Variants in USP24 observed in about 807,000 individuals in gnomAD.
USP24 encodes ubiquitin carboxyl-terminal hydrolase 24.
A neutral mutation model predicts 361.6 loss-of-function variants in USP24; 97 were observed. The ratio of observed to expected loss-of-function variants is 0.27; its 90% CI spans 0.23 to 0.32. The LOEUF (loss-of-function observed/expected upper bound fraction) is 0.32, where lower values mean the gene tolerates loss of function less well. Ranked by LOEUF, USP24 falls within the 10% of genes least tolerant of loss-of-function variation. The pLI, the probability that USP24 is intolerant of heterozygous loss-of-function variation, is 1.00. For missense variants in USP24, 2,353 were observed against 3,165.6 expected, an observed-to-expected ratio of 0.74 and a Z score of 6.16; for synonymous variants, 1,098 against 1,124.6, an observed-to-expected ratio of 0.98 and a Z score of 0.47.
chr1:55,104,133 A>G (rs1269496281), intron 41 of USP24, 113 bp from the exon 42 acceptor site: 28 of 1,354,174 alleles, frequency 2.1e-5, no homozygotes, highest in Non-Finnish European at 2.7e-5. Context: ...CCTCAAACAT[A>G]CTTAAGTCAG....
chr1:55,209,908 T>C (rs900987798), intron 1 of USP24, among the ~76,000 whole-genome samples: 3 of 152,202 alleles, frequency 2.0e-5, no homozygotes, highest in African/African-American at 7.2e-5. Context: ...AAATGGTATA[T>C]GATATTGTAG....
At chr1:55,200,869 T>A (rs1296746340) in intron 1 of USP24, among the ~76,000 whole-genome samples, 2 of 152,224 alleles carry the variant, frequency 1.3e-5, no homozygotes, top group Admixed American at 6.5e-5. Flanking sequence ...TTGTTTCTTT[T>A]AGCATCCACT....
Position 55,103,982 on chromosome 1 carries a change from A to G in USP24, c.4919T>C (p.Val1640Ala). 6.2e-7 allele frequency: 1 copy of G among 1,611,246 alleles called. No individual in the cohort carries two copies. The highest frequency in any genetic ancestry group is 8.5e-7 in the Non-Finnish European group (1 of 1,178,636). ...TGAACTATCAGCCAACATCACAAGG[A>G]CTTCATAGGCTGCCAATCGGCTATT... ...TANSRLAAYEVLVMLADSSPS... is the reference protein window; with the variant it reads ...TANSRLAAYEALVMLADSSPS... Residue 1640 changes from valine to alanine, a missense_variant, in exon 42 of 68, where the codon GTC (valine) becomes GCC (alanine). By Grantham distance (64) the Val-to-Ala change is moderately conservative (BLOSUM62 0). Around this residue, in one of 8 missense-constraint regions of USP24, gnomAD observed 949 missense variants for 1,280.5 expected, o/e 0.74. Coordinates refer to ENST00000294383, the MANE Select transcript of USP24 (RefSeq NM_015306.3).
At position 55,154,446 on chromosome 1, in the gene USP24, A is replaced by G; in HGVS notation, c.1575T>C (p.Asp525=). Residue 525 remains aspartate, a synonymous_variant, in exon 14 of 68, where the codon GAT becomes GAC. Transcript: ENST00000294383. ...LIQKSWETES[D]RVRQKLLSLI... is the part of the protein sequence containing the mutation. Reference sequence around the variant, plus strand: ...GGCTCAAAAGCTTCTGTCTTACTCTATCACTCTCAGTCTCCCAGCTCTGTA... The same window carrying G: ...GGCTCAAAAGCTTCTGTCTTACTCTGTCACTCTCAGTCTCCCAGCTCTGTA... The G allele has an allele frequency of 1.9e-6, 3 of 1,551,464 alleles. No individual in the cohort carries two copies. The highest frequency in any genetic ancestry group is 4.9e-5 in the East Asian group (2 of 40,926).
chr1:55,109,166 T>C (rs1018180772), intron 39 of USP24, among the ~76,000 whole-genome samples: 1 of 152,160 alleles, frequency 6.6e-6, no homozygotes, highest in Non-Finnish European at 1.5e-5. Context: ...TTTTGTGTTT[T>C]TGGTTTCACC....
chr1:55,159,530 T>C, intron 9 of USP24, 81 bp downstream of exon 9: 1 of 1,171,476 alleles, frequency 8.5e-7, no homozygotes, highest in South Asian at 1.3e-5. Context: ...AAGAGCATGG[T>C]GTGTGAACCC....
intron 35 of USP24, 123 bp downstream of exon 35, chr1:55,124,346 A>T: frequency 1.8e-6 from 2 of 1,136,678 alleles, no homozygotes; most frequent in Non-Finnish European, 2.5e-6. Context: ...ATGAATTTTT[A>T]CTCATGCTCA....
Position 55,100,252 on chromosome 1 carries a change from T to C in USP24, c.5272-383A>G, listed in dbSNP as rs1570400280. Among the ~76,000 whole-genome samples the C allele has an allele frequency of 2.6e-5, 4 of 152,294 alleles. No individual in the cohort carries two copies. The South Asian group carries it at 8.3e-4, about 32-fold the overall frequency. On this transcript the variant is annotated intron_variant, in intron 44 of 67. Transcript: ENST00000294383. ...TGTCTCACGCCTGTAATCCCAGCAC[T>C]CTGGGAGGCCGAGGCAGGCGGATCA...
rs1246676253 is a variant in USP24, at chr1:55,138,722, A to C, written c.2818-4T>G. 1.2e-6 allele frequency: 2 copies of C among 1,603,802 alleles called. No homozygotes were observed. Among genetic ancestry groups the C allele is most frequent in the Middle Eastern group, 1.7e-4 (1 of 6,058 alleles). On this transcript the variant is annotated splice_region_variant and splice_polypyrimidine_tract_variant and intron_variant, in intron 25 of 67. Coordinates refer to ENST00000294383, the MANE Select transcript of USP24 (RefSeq NM_015306.3). The stretch of plus-strand genomic sequence containing the variant: ...TTCGTGGAACAGAGTAAAAATCCTT[A>C]AAAAACGAATAAGTCAAGTCAGATG...
At chr1:55,212,132 C>T (rs538692186) in intron 1 of USP24, among the ~76,000 whole-genome samples, 67 of 152,252 alleles carry the variant, frequency 4.4e-4, no homozygotes, top group African/African-American at 1.4e-3. Context: ...CTTTGGGGCC[C>T]GAAAGGGTGC....
At position 55,121,465 on chromosome 1, in the gene USP24, C is replaced by T; in HGVS notation, c.4318G>A (p.Asp1440Asn). ...GCACTTGGTGATCCGAGCAGAATAT[C>T]AATGATGAAATCAGCAACACAGGGC... is the stretch of plus-strand genomic sequence containing the variant. ...NLPCVADFII[D>N]ILLGSPSAEI... Residue 1440 changes from aspartate to asparagine, a missense_variant, in exon 37 of 68, where the codon GAT becomes AAT. Physicochemically the swap from Asp to Asn is conservative, Grantham distance 23. This residue lies in a region of USP24 where 949 missense variants were observed against 1,280.5 expected (regional missense o/e 0.74). Coordinates refer to ENST00000294383, the MANE Select transcript of USP24 (RefSeq NM_015306.3). 6.2e-7 allele frequency: 1 copy of T among 1,613,562 alleles called. No homozygotes were observed. The highest frequency in any genetic ancestry group is 8.5e-7 in the Non-Finnish European group (1 of 1,179,730).
At chr1:55,128,173 C>T (rs1319623210) in intron 32 of USP24, among the ~76,000 whole-genome samples, 1 of 152,172 alleles carries the variant, frequency 6.6e-6, no homozygotes, top group South Asian at 2.1e-4. Context: ...CTAGAAACCA[C>T]AGGGCCATTT....
intron 1 of USP24, among the ~76,000 whole-genome samples, chr1:55,202,087 A>G (rs1420788111): frequency 1.3e-5 from 2 of 152,158 alleles, no homozygotes; most frequent in Non-Finnish European, 2.9e-5. Flanking sequence ...GCAAATTTTA[A>G]AACTGATCTC....
chr1:55,199,565 T>C (rs1644508577), intron 1 of USP24, among the ~76,000 whole-genome samples: 1 of 151,372 alleles, frequency 6.6e-6, no homozygotes, highest in Admixed American at 6.6e-5. Context: ...ATTTGCAACT[T>C]ATTTTTCAAA....
At chr1:55,126,641 G>T (rs1419902397) in intron 32 of USP24, among the ~76,000 whole-genome samples, 1 of 152,246 alleles carries the variant, frequency 6.6e-6, no homozygotes, top group Non-Finnish European at 1.5e-5. Context: ...GCTGAGTGAT[G>T]TGAAAGGAGT....
chr1:55,123,731 A>C (rs1646347192), intron 35 of USP24, 129 bp from the exon 36 acceptor site: 5 of 914,458 alleles, frequency 5.5e-6, no homozygotes, highest in Non-Finnish European at 7.6e-6. Context: ...AGGTCCAAGA[A>C]GCAAGAGAGA....
At chr1:55,124,433 C>T in intron 35 of USP24, 36 bp downstream of exon 35, 6 of 1,583,056 alleles carry the variant, frequency 3.8e-6, no homozygotes, top group Non-Finnish European at 4.3e-6. Context: ...TATTTCTTAC[C>T]CAGTGTTCTC....
chr1:55,121,323 CCT>C (rs1646274756), intron 37 of USP24, 111 bp downstream of exon 37: 1 of 928,850 alleles, frequency 1.1e-6, no homozygotes, highest in Non-Finnish European at 1.6e-6. Context: ...TCGTACACTC[CCT>C]GAGAGCACTC....
chr1:55,155,230 A>G (rs1647514130), intron 12 of USP24, among the ~76,000 whole-genome samples: 1 of 152,174 alleles, frequency 6.6e-6, no homozygotes, highest in African/African-American at 2.4e-5. Context: ...GATTTCAATT[A>G]ATGTTTATTT....
Sources: allele counts gnomAD v4.1 joint callset (sites outside exome capture counted in the v4.1 genomes callset), GRCh38; gene constraint gnomAD v4.1.1; regional missense constraint gnomAD v4.1.1; transcripts MANE v1.5; gene names NCBI Gene and HGNC (gene_info 2026-07-23, HGNC 2026-07-21).